Variants in TOMM70 observed in about 807,000 individuals in gnomAD.
TOMM70 encodes translocase of outer mitochondrial membrane 70.
TOMM70 carries 13 observed loss-of-function variants against 73.6 expected under a neutral mutation model. The observed-to-expected ratio is 0.18, with a 90% CI of 0.11 to 0.28. The LOEUF (loss-of-function observed/expected upper bound fraction) is 0.28, where lower values mean the gene tolerates loss of function less well. TOMM70 is among the 10% of genes least tolerant of loss of function. TOMM70 has a pLI of 1.00. For synonymous variants in TOMM70, 257 were observed against 271.2 expected, an observed-to-expected ratio of 0.95 and a Z score of 0.51; for missense variants, 609 against 747.5, an observed-to-expected ratio of 0.81 and a Z score of 2.16.
intron 1 of TOMM70, among the ~76,000 whole-genome samples, chr3:100,395,501 C>A (rs990813505): frequency 6.7e-6 from 1 of 148,312 alleles, no homozygotes; most frequent in African/African-American, 2.5e-5. Flanking sequence ...AGAGATTGCA[C>A]CACTGCACTC....
chr3:100,376,245 T>C (rs541582244), intron 6 of TOMM70, among the ~76,000 whole-genome samples: 1 of 152,294 alleles, frequency 6.6e-6, no homozygotes, highest in African/African-American at 2.4e-5. Flanking sequence ...TGTCTTTTTA[T>C]TGTTGAGCTC....
chr3:100,387,643 CTTT>C (rs112940589), intron 1 of TOMM70, among the ~76,000 whole-genome samples: 3 of 135,588 alleles, frequency 2.2e-5, no homozygotes, highest in Admixed American at 7.6e-5. Flanking sequence ...CACGTATATA[CTTT>C]TTTTTTTTTT....
chr3:100,387,268 G>A (rs1000836586), intron 1 of TOMM70, among the ~76,000 whole-genome samples: 4 of 152,028 alleles, frequency 2.6e-5, no homozygotes, highest in Non-Finnish European at 4.4e-5. Flanking sequence ...GCAACGTGTC[G>A]GAACCCCGTC....
chr3:100,368,998 A>G, intron 10 of TOMM70, 40 bp downstream of exon 10: 1 of 1,452,640 alleles, frequency 6.9e-7, no homozygotes, highest in Non-Finnish European at 9.6e-7. Context: ...ACTATGCAAG[A>G]AATTTATTAT....
chr3:100,371,932 CT>C (rs1251027647), intron 9 of TOMM70: 1 of 152,168 alleles, frequency 6.6e-6, no homozygotes, highest in Non-Finnish European at 1.5e-5. Context: ...AGCTGTACCC[CT>C]GATATAGAGT....
intron 6 of TOMM70, among the ~76,000 whole-genome samples, chr3:100,375,722 A>T (rs1162636312): frequency 6.6e-6 from 1 of 152,166 alleles, no homozygotes; most frequent in African/African-American, 2.4e-5. Flanking sequence ...CAAGGTTTTT[A>T]AAAAAGCTTT....
At chr3:100,368,640 A>G (rs1706474038) in intron 10 of TOMM70, among the ~76,000 whole-genome samples, 1 of 152,152 alleles carries the variant, frequency 6.6e-6, no homozygotes, top group African/African-American at 2.4e-5. Context: ...CAGTGGTGCA[A>G]TCTTGGCTCA....
chr3:100,392,321 T>C (rs1292983839), intron 1 of TOMM70, among the ~76,000 whole-genome samples: 1 of 152,202 alleles, frequency 6.6e-6, no homozygotes, highest in Non-Finnish European at 1.5e-5. Flanking sequence ...ATAAATCCAA[T>C]ATTATTCAAG....
rs1472107354 is a variant in TOMM70 at position 100,365,490 on chromosome 3, T to C, written c.*74A>G. ...GATTTCCACCATTCAACACAGTTCA[T>C]GACAGTGTCTTTAGGGTTCAGTTGA... On this transcript the variant is annotated 3_prime_UTR_variant, in exon 12 of 12. Transcript: ENST00000284320. The C allele has an allele frequency of 3.2e-6, 5 of 1,577,062 alleles. No homozygotes were observed. In the African/African-American group the frequency reaches 6.8e-5, roughly 21 times the overall value.
intron 1 of TOMM70, among the ~76,000 whole-genome samples, chr3:100,393,098 C>A (rs1706781264): frequency 6.6e-6 from 1 of 151,840 alleles, no homozygotes; most frequent in Non-Finnish European, 1.5e-5. Flanking sequence ...ATCGCTTGAA[C>A]CCGGGCAGCA....
At chr3:100,373,287 T>C (rs558872436) in intron 8 of TOMM70, among the ~76,000 whole-genome samples, 4 of 152,306 alleles carry the variant, frequency 2.6e-5, no homozygotes, top group African/African-American at 9.6e-5. Context: ...TATATTGATT[T>C]ATGATGAAGC....
chr3:100,394,437 A>G (rs778612397), intron 1 of TOMM70, among the ~76,000 whole-genome samples: 24 of 151,512 alleles, frequency 1.6e-4, no homozygotes, highest in Admixed American at 1.3e-4. Context: ...TGCAACCTAA[A>G]TAACTCTGGA....
intron 10 of TOMM70, among the ~76,000 whole-genome samples, chr3:100,368,713 A>G (rs1706475444): frequency 6.6e-6 from 1 of 152,080 alleles, no homozygotes; most frequent in Admixed American, 6.5e-5. Context: ...GTAGCTGGGA[A>G]TCGGGCATGT....
chr3:100,393,540 T>C (rs1464591508), intron 1 of TOMM70, among the ~76,000 whole-genome samples: 1 of 152,124 alleles, frequency 6.6e-6, no homozygotes, highest in Non-Finnish European at 1.5e-5. Flanking sequence ...TCTCAGACTT[T>C]ACCACTATAC....
intron 1 of TOMM70, among the ~76,000 whole-genome samples, chr3:100,395,759 T>C (rs1706819369): frequency 6.6e-6 from 1 of 152,196 alleles, no homozygotes. Flanking sequence ...CAACACTTGC[T>C]ATGCACCTGT....
chr3:100,393,524 CT>C (rs1400434724), intron 1 of TOMM70, among the ~76,000 whole-genome samples: 1 of 151,988 alleles, frequency 6.6e-6, no homozygotes, highest in African/African-American at 2.4e-5. Flanking sequence ...GATGAGTGCA[CT>C]AAAATCTCAG....
At chr3:100,397,117 C>T (rs1706833994) in intron 1 of TOMM70, among the ~76,000 whole-genome samples, 1 of 152,164 alleles carries the variant, frequency 6.6e-6, no homozygotes, top group African/African-American at 2.4e-5. Flanking sequence ...ACAGTTAGGG[C>T]ATCAGGATTC....
At chr3:100,371,375 C>T (rs1315345220) in intron 9 of TOMM70, among the ~76,000 whole-genome samples, 1 of 150,480 alleles carries the variant, frequency 6.6e-6, no homozygotes, top group African/African-American at 2.5e-5. Flanking sequence ...AGCGATTCTC[C>T]TACCTCAGCC....
At position 100,368,182 on chromosome 3, in the gene TOMM70, A is replaced by C. The variant is rs534572769; in HGVS notation, c.1551-16T>G. ...TTGAAGTAAACTGCAAATGCAAAAAAATGTCAGATGTGACCATGGCCCAGT... is the reference window on the plus strand; with the variant it reads ...TTGAAGTAAACTGCAAATGCAAAAACATGTCAGATGTGACCATGGCCCAGT... On this transcript the variant is annotated splice_polypyrimidine_tract_variant and intron_variant, in intron 10 of 11. Coordinates refer to ENST00000284320, the MANE Select transcript of TOMM70 (RefSeq NM_014820.5). 2 of 1,610,178 alleles carry C rather than the reference A, an allele frequency of 1.2e-6. No individual in the cohort carries two copies. The highest frequency in any genetic ancestry group is 1.3e-5 in the African/African-American group (1 of 74,892).
Sources: gnomAD v4.1 joint callset for allele counts (sites outside exome capture counted in the v4.1 genomes callset) on GRCh38, gnomAD v4.1.1 for gene constraint, MANE v1.5 for transcripts, NCBI Gene and HGNC (gene_info 2026-07-23, HGNC 2026-07-21) for gene names.